The following ZNF804B variants were observed in gnomAD, a reference collection of about 807,000 sequenced individuals.
ZNF804B encodes zinc finger 804B.
A neutral mutation model predicts 101.4 loss-of-function variants in ZNF804B; 80 were observed. The ratio of observed to expected loss-of-function variants is 0.79; its 90% CI spans 0.66 to 0.95. The LOEUF (loss-of-function observed/expected upper bound fraction) is 0.95, where lower values mean the gene tolerates loss of function less well. ZNF804B is among the 40% of genes least tolerant of loss of function. The probability of loss-of-function intolerance (pLI) is 0.00; values close to 1 mark genes in which losing one functional copy is unlikely to be tolerated. For synonymous variants in ZNF804B, 622 were observed against 558.8 expected (o/e 1.11, Z -1.59); for missense variants, 1,673 against 1,561.9 (o/e 1.07, Z -1.20).
chr7:89,295,660 A>T (rs949299165), intron 2 of ZNF804B, among the ~76,000 whole-genome samples: 1 of 152,236 alleles, frequency 6.6e-6, no homozygotes, highest in African/African-American at 2.4e-5. Context: ...CAGATTATGT[A>T]CACAGTCTGC....
At chr7:88,839,752 G>A (rs1202234595) in intron 1 of ZNF804B, among the ~76,000 whole-genome samples, 2 of 147,686 alleles carry the variant, frequency 1.4e-5, no homozygotes, top group African/African-American at 5.2e-5. Flanking sequence ...GTTCTTCACC[G>A]AGAGCAGGTT....
At chr7:89,039,505 A>G (rs1016461478) in intron 1 of ZNF804B, among the ~76,000 whole-genome samples, 18 of 151,958 alleles carry the variant, frequency 1.2e-4, no homozygotes, top group Non-Finnish European at 1.3e-4. Context: ...ATAATTTACT[A>G]TTACATGCTA....
At chr7:89,284,154 G>T (rs1790142093) in intron 2 of ZNF804B, among the ~76,000 whole-genome samples, 1 of 152,166 alleles carries the variant, frequency 6.6e-6, no homozygotes, top group Non-Finnish European at 1.5e-5. Flanking sequence ...AGTGACCGTA[G>T]TACATACTAT....
intron 1 of ZNF804B, among the ~76,000 whole-genome samples, chr7:88,927,962 C>A (rs2116012808): frequency 6.6e-6 from 1 of 152,190 alleles, no homozygotes; most frequent in African/African-American, 2.4e-5. Flanking sequence ...CCAGTTTATC[C>A]ATGAGTCTAT....
chr7:89,333,800 C>T lies in ZNF804B; in HGVS notation c.818C>T (p.Thr273Ile), dbSNP rs1012981644. 6.2e-7 allele frequency: 1 copy of T among 1,613,416 alleles called. No individual in the cohort carries two copies. The highest frequency in any genetic ancestry group is 1.1e-5 in the South Asian group (1 of 91,056). The change falls in exon 4 of 4, where the codon ACA (threonine) becomes ATA (isoleucine). Residue 273 changes from threonine to isoleucine, a missense_variant. Physicochemically the swap from Thr to Ile is moderately conservative, Grantham distance 89 (BLOSUM62 -1). Transcript: ENST00000333190. ...TGCTGCAGGTTTGCAAATAAAGATA[C>T]ACACCTTACCAAGGAAAAAGAGGTA... ...CKCCRFANKD[T>I]HLTKEKEVNI...
intron 1 of ZNF804B, among the ~76,000 whole-genome samples, chr7:89,206,833 T>C (rs1788721240): frequency 6.6e-6 from 1 of 152,226 alleles, no homozygotes; most frequent in African/African-American, 2.4e-5. Flanking sequence ...AATGGGTTGC[T>C]GCTTAGAAAT....
chr7:88,990,739 C>T (rs1470343806), intron 1 of ZNF804B, among the ~76,000 whole-genome samples: 1 of 152,058 alleles, frequency 6.6e-6, no homozygotes. Flanking sequence ...TATATTTTGC[C>T]ATTAACACTT....
intron 1 of ZNF804B, among the ~76,000 whole-genome samples, chr7:88,986,745 T>G (rs1793764530): frequency 1.3e-5 from 2 of 152,124 alleles, no homozygotes; most frequent in Non-Finnish European, 2.9e-5. Flanking sequence ...CATGGCCTAT[T>G]TCTAGATCTT....
At chr7:89,302,553 C>T (rs1790492000) in intron 2 of ZNF804B, among the ~76,000 whole-genome samples, 1 of 151,804 alleles carries the variant, frequency 6.6e-6, no homozygotes, top group Non-Finnish European at 1.5e-5. Flanking sequence ...TATAGTTGAT[C>T]ACAGAGAAGG....
chr7:89,101,234 C>T (rs1562884861), intron 1 of ZNF804B, among the ~76,000 whole-genome samples: 1 of 151,476 alleles, frequency 6.6e-6, no homozygotes, highest in Non-Finnish European at 1.5e-5. Flanking sequence ...CTCCGGCAGG[C>T]ATGTTTAGCT....
chr7:88,870,400 A>AAAAAG (rs1791803721), intron 1 of ZNF804B, among the ~76,000 whole-genome samples: 1 of 112,674 alleles, frequency 8.9e-6, no homozygotes, highest in Non-Finnish European at 1.8e-5. Flanking sequence ...AAAAAAAAAA[A>AAAAAG]AAAAAAAGGT....
chr7:89,056,981 A>T (rs892330147), intron 1 of ZNF804B, among the ~76,000 whole-genome samples: 1 of 152,104 alleles, frequency 6.6e-6, no homozygotes, highest in African/African-American at 2.4e-5. Context: ...TGATTGGTCA[A>T]AGAGTGCAGG....
intron 1 of ZNF804B, among the ~76,000 whole-genome samples, chr7:88,937,534 A>T (rs1386958868): frequency 6.6e-6 from 1 of 152,108 alleles, no homozygotes; most frequent in Admixed American, 6.6e-5. Flanking sequence ...TTTTGAAGTT[A>T]TGTTAACCAT....
At chr7:89,299,279 C>T (rs1790442785) in intron 2 of ZNF804B, among the ~76,000 whole-genome samples, 1 of 151,950 alleles carries the variant, frequency 6.6e-6, no homozygotes, top group Admixed American at 6.6e-5. Context: ...TCTAGGAATT[C>T]TATGTTATGT....
At chr7:88,859,110 T>C (rs1791612809) in intron 1 of ZNF804B, among the ~76,000 whole-genome samples, 2 of 152,102 alleles carry the variant, frequency 1.3e-5, no homozygotes, top group Non-Finnish European at 2.9e-5. Flanking sequence ...TTATTGGGTT[T>C]ATTTTCAGGC....
chr7:89,052,238 A>G (rs1210407665), intron 1 of ZNF804B, among the ~76,000 whole-genome samples: 1 of 152,088 alleles, frequency 6.6e-6, no homozygotes, highest in African/African-American at 2.4e-5. Flanking sequence ...CCTGGGCTCA[A>G]GTGATCCTGC....
intron 1 of ZNF804B, among the ~76,000 whole-genome samples, chr7:89,191,301 A>C (rs1788452504): frequency 6.6e-6 from 1 of 152,142 alleles, no homozygotes; most frequent in Non-Finnish European, 1.5e-5. Flanking sequence ...CAATATATTT[A>C]ATTTCCAGCA....
intron 1 of ZNF804B, among the ~76,000 whole-genome samples, chr7:89,121,500 G>A (rs1046485571): frequency 1.3e-5 from 2 of 152,036 alleles, no homozygotes; most frequent in Non-Finnish European, 2.9e-5. Flanking sequence ...GAACTTTTAT[G>A]TATAATCTGC....
chr7:89,240,097 A>C (rs1365509976), intron 2 of ZNF804B, among the ~76,000 whole-genome samples: 1 of 152,084 alleles, frequency 6.6e-6, no homozygotes, highest in Non-Finnish European at 1.5e-5. Flanking sequence ...AGTTACTACT[A>C]GTATTTTTAA....
Sources: gnomAD v4.1 joint callset for allele counts (sites outside exome capture counted in the v4.1 genomes callset) on GRCh38, gnomAD v4.1.1 for gene constraint, MANE v1.5 for transcripts, NCBI Gene and HGNC (gene_info 2026-07-23, HGNC 2026-07-21) for gene names.